Variants in GRAP2 observed in about 807,000 individuals in gnomAD.
GRAP2 encodes the protein GRB2 related adaptor protein 2, also known as GRB2-related adapter protein 2.
GRAP2 carries 31 observed loss-of-function variants against 43.5 expected under a neutral mutation model. The ratio of observed to expected loss-of-function variants is 0.71; its 90% CI spans 0.54 to 0.96. GRAP2 has a LOEUF of 0.96. Ranked by LOEUF, GRAP2 falls within the 40% of genes least tolerant of loss-of-function variation. The pLI, the probability that GRAP2 is intolerant of heterozygous loss-of-function variation, is 0.00. For synonymous variants in GRAP2, 156 were observed against 164.8 expected (o/e 0.95, Z 0.41); for missense variants, 371 against 424.4 (o/e 0.87, Z 1.11).
chr22:39,896,075 T>G, the GRAP2 span, among the ~76,000 whole-genome samples: 1 of 152,246 alleles, frequency 6.6e-6, no homozygotes, highest in African/African-American at 2.4e-5. Flanking sequence ...GGACTTGTTA[T>G]GTTTGGAGAA....
chr22:39,951,612 A>G (rs1279783792), intron 2 of GRAP2, among the ~76,000 whole-genome samples: 4 of 152,154 alleles, frequency 2.6e-5, no homozygotes, highest in Non-Finnish European at 4.4e-5. Flanking sequence ...GAATTAAGAA[A>G]CAGTCAAGAG....
intron 1 of GRAP2, among the ~76,000 whole-genome samples, chr22:39,905,889 G>A (rs1416028675): frequency 6.6e-6 from 1 of 152,134 alleles, no homozygotes; most frequent in Non-Finnish European, 1.5e-5. Flanking sequence ...CACACACTCA[G>A]ACTTGAAGTT....
intron 4 of GRAP2, among the ~76,000 whole-genome samples, chr22:39,962,351 G>A (rs2067128254): frequency 6.6e-6 from 1 of 152,118 alleles, no homozygotes; most frequent in Non-Finnish European, 1.5e-5. Flanking sequence ...GAGCTGGGCG[G>A]TTGAGGTTGC....
In GRAP2 at chr22:39,943,443, C is replaced by T. The variant is rs755706561; in HGVS notation, c.-14-3650C>T. Among the ~76,000 whole-genome samples the T allele has an allele frequency of 2.6e-5, 4 of 152,240 alleles. No individual in the cohort carries two copies. The South Asian group carries it at 6.2e-4, about 24-fold the overall frequency. On this transcript the variant is annotated intron_variant, in intron 1 of 7. Transcript: ENST00000344138. ...CACTGCATGCTGCTAATGGCTATTG[C>T]GTGACAGCTCTTAAAGGGGTAAGCG...
intron 1 of GRAP2, among the ~76,000 whole-genome samples, chr22:39,941,763 A>G (rs1476099179): frequency 6.6e-6 from 1 of 152,236 alleles, no homozygotes; most frequent in Non-Finnish European, 1.5e-5. Context: ...TAGATGGCCA[A>G]CAAAGCCAAA....
upstream of GRAP2, among the ~76,000 whole-genome samples, chr22:39,896,475 G>A (rs928402143): frequency 2.6e-5 from 4 of 152,186 alleles, no homozygotes; most frequent in African/African-American, 9.7e-5. Context: ...CAGGAAAGCT[G>A]GGGAATTCTG....
intron 1 of GRAP2, among the ~76,000 whole-genome samples, chr22:39,937,147 C>T (rs1419263506): frequency 6.6e-6 from 1 of 152,128 alleles, no homozygotes; most frequent in South Asian, 2.1e-4. Context: ...AATGTTGCAA[C>T]GGGTGACCGA....
At chr22:39,949,311 C>T (rs1767057017) in intron 2 of GRAP2, among the ~76,000 whole-genome samples, 1 of 152,150 alleles carries the variant, frequency 6.6e-6, no homozygotes, top group African/African-American at 2.4e-5. Flanking sequence ...TGTTCAGGGC[C>T]AGGATCTAGC....
the GRAP2 span, among the ~76,000 whole-genome samples, chr22:39,895,453 G>A: frequency 6.6e-6 from 1 of 152,136 alleles, no homozygotes; most frequent in Non-Finnish European, 1.5e-5. Context: ...GAGGGAAATC[G>A]AAAAGGTGAC....
At chr22:39,965,296 C>T (rs966225161) in intron 4 of GRAP2, among the ~76,000 whole-genome samples, 5 of 152,146 alleles carry the variant, frequency 3.3e-5, no homozygotes, top group Non-Finnish European at 7.4e-5. Flanking sequence ...TCGCTTGAAC[C>T]TGGGAGGCGG....
At chr22:39,907,223 G>T (rs1331556753) in intron 1 of GRAP2, among the ~76,000 whole-genome samples, 1 of 151,836 alleles carries the variant, frequency 6.6e-6, no homozygotes, top group Admixed American at 6.5e-5. Flanking sequence ...GGTGGGGTGG[G>T]TGGGGGAAGG....
chr22:39,957,909 C>T (rs1468024032), intron 3 of GRAP2, among the ~76,000 whole-genome samples: 1 of 151,878 alleles, frequency 6.6e-6, no homozygotes, highest in Non-Finnish European at 1.5e-5. Context: ...GCACTCCAGC[C>T]TGGGCAGCAG....
At chr22:39,934,178 G>A (rs190139549) in intron 1 of GRAP2, among the ~76,000 whole-genome samples, 43 of 152,256 alleles carry the variant, frequency 2.8e-4, no homozygotes, top group Non-Finnish European at 4.4e-5. Context: ...CCACAGGCAC[G>A]GCACAGCTTG....
chr22:39,953,434 A>T (rs1159844579), intron 2 of GRAP2, among the ~76,000 whole-genome samples: 1 of 152,152 alleles, frequency 6.6e-6, no homozygotes. Flanking sequence ...TTGGTCAAGA[A>T]ATCCTGCCTG....
chr22:39,908,906 G>C (rs897844910), intron 1 of GRAP2, among the ~76,000 whole-genome samples: 1 of 152,214 alleles, frequency 6.6e-6, no homozygotes, highest in African/African-American at 2.4e-5. Flanking sequence ...ATACTGACCA[G>C]TGATGAGAGT....
At chr22:39,901,973 G>C (rs1026923795) in intron 1 of GRAP2, among the ~76,000 whole-genome samples, 1 of 152,184 alleles carries the variant, frequency 6.6e-6, no homozygotes, top group African/African-American at 2.4e-5. Flanking sequence ...CTTCCTGAAC[G>C]TGAGGATTGA....
chr22:39,923,845 C>G (rs758000912), intron 1 of GRAP2, among the ~76,000 whole-genome samples: 2 of 152,196 alleles, frequency 1.3e-5, no homozygotes, highest in African/African-American at 4.8e-5. Context: ...TTTCACTGCC[C>G]GGTTACAAAT....
chr22:39,899,240 T>C (rs1164175023), upstream of GRAP2, among the ~76,000 whole-genome samples: 2 of 152,214 alleles, frequency 1.3e-5, no homozygotes, highest in African/African-American at 4.8e-5. Flanking sequence ...AGGGGAAGGA[T>C]TATATTCTGC....
chr22:39,971,760 G>A lies in GRAP2; in HGVS notation c.*676G>A, dbSNP rs2067246748. 1.3e-5 allele frequency: 2 copies of A among 152,216 alleles called. No homozygotes were observed. Among genetic ancestry groups the A allele is most frequent in the Non-Finnish European group, 2.9e-5 (2 of 68,038 alleles). The allele number at this position is 152,216 out of a possible 1,614,324, so 9.4% of individuals were successfully genotyped here. ...TATTCCTTGGGTCTTTCAAATGAATGTTTCAATGTGAGGAGCGAAGTACTG... is the reference window on the plus strand; with the variant it reads ...TATTCCTTGGGTCTTTCAAATGAATATTTCAATGTGAGGAGCGAAGTACTG... On this transcript the variant is annotated 3_prime_UTR_variant, in exon 8 of 8. Coordinates refer to ENST00000344138, the MANE Select transcript of GRAP2 (RefSeq NM_004810.4).
Sources: allele counts gnomAD v4.1 joint callset (sites outside exome capture counted in the v4.1 genomes callset), GRCh38; gene constraint gnomAD v4.1.1; transcripts MANE v1.5; gene names NCBI Gene and HGNC (gene_info 2026-07-23, HGNC 2026-07-21).